The following TIAM1 variants were observed in gnomAD, a reference collection of about 807,000 sequenced individuals.
TIAM1 encodes TIAM Rac1 associated GEF 1.
In TIAM1, 65 loss-of-function variants were observed where a neutral mutation model predicts 163.5. That is an observed-to-expected ratio of 0.40 (90% CI 0.33 to 0.49). TIAM1 has a LOEUF of 0.49. Among genes scored for constraint, TIAM1 ranks in the 20% least tolerant of loss-of-function variants. TIAM1 has a pLI of 0.77. For missense variants in TIAM1, 1,789 were observed against 2,044.7 expected (o/e 0.87, Z 2.41); for synonymous variants, 833 against 810.1 (o/e 1.03, Z -0.48).
intron 2 of TIAM1, among the ~76,000 whole-genome samples, chr21:31,420,807 T>C (rs909122555): frequency 1.3e-5 from 2 of 151,932 alleles, no homozygotes; most frequent in African/African-American, 4.8e-5. Context: ...TGCTTGGAAA[T>C]AGGGTCTTTG....
intron 22 of TIAM1, among the ~76,000 whole-genome samples, chr21:31,139,460 T>C: frequency 6.6e-6 from 1 of 152,116 alleles, no homozygotes; most frequent in East Asian, 1.9e-4. Flanking sequence ...AAAATCAAGG[T>C]ATAAAATTAC....
At chr21:31,438,454 A>G (rs1421909118) in intron 2 of TIAM1, among the ~76,000 whole-genome samples, 1 of 152,094 alleles carries the variant, frequency 6.6e-6, no homozygotes. Flanking sequence ...AGTCTCCCAA[A>G]GTGATGGGAT....
intron 2 of TIAM1, among the ~76,000 whole-genome samples, chr21:31,310,323 G>A (rs2074875760): frequency 6.6e-6 from 1 of 152,186 alleles, no homozygotes; most frequent in South Asian, 2.1e-4. Flanking sequence ...GATAGAGGAA[G>A]CTTGGGTCCT....
chr21:31,527,320 C>T (rs1344977601), intron 1 of TIAM1, among the ~76,000 whole-genome samples: 1 of 152,082 alleles, frequency 6.6e-6, no homozygotes, highest in Non-Finnish European at 1.5e-5. Flanking sequence ...GTAGGGTAAA[C>T]TCAGGTTATC....
intron 2 of TIAM1, among the ~76,000 whole-genome samples, chr21:31,351,673 G>A (rs1224750220): frequency 2.0e-5 from 3 of 152,084 alleles, no homozygotes; most frequent in African/African-American, 7.2e-5. Flanking sequence ...AGAATGCAGG[G>A]GAAAGATCCA....
chr21:31,526,638 C>A (rs1297899439), intron 1 of TIAM1, among the ~76,000 whole-genome samples: 1 of 152,176 alleles, frequency 6.6e-6, no homozygotes, highest in Non-Finnish European at 1.5e-5. Context: ...TCACATATCT[C>A]ATCATGTACT....
intron 1 of TIAM1, among the ~76,000 whole-genome samples, chr21:31,522,800 T>C (rs1047677708): frequency 1.7e-4 from 26 of 152,236 alleles, no homozygotes; most frequent in Admixed American, 7.9e-4. Context: ...GAAATAGTGA[T>C]GACCAGGAAG....
chr21:31,430,247 TACACACAC>T (rs1202910634), intron 2 of TIAM1, among the ~76,000 whole-genome samples: 3 of 106,936 alleles, frequency 2.8e-5, no homozygotes, highest in Admixed American at 1.1e-4. Flanking sequence ...TATATATATA[TACACACAC>T]ACACACACAC....
intron 2 of TIAM1, among the ~76,000 whole-genome samples, chr21:31,378,179 G>C (rs1569279263): frequency 6.8e-6 from 1 of 147,462 alleles, no homozygotes; most frequent in African/African-American, 2.5e-5. Context: ...CTGCAGGAGA[G>C]AGAATGACAT....
intron 1 of TIAM1, among the ~76,000 whole-genome samples, chr21:31,521,259 T>C (rs2047572276): frequency 6.6e-6 from 1 of 152,166 alleles, no homozygotes; most frequent in Non-Finnish European, 1.5e-5. Context: ...GCTGGCAAAA[T>C]GACAAGCTGG....
intron 1 of TIAM1, among the ~76,000 whole-genome samples, chr21:31,473,463 A>C (rs8133007): frequency 0.26 from 31,318 of 119,156 alleles, 5,304 homozygotes; most frequent in African/African-American, 0.37. Flanking sequence ...AAAAAAAAAA[A>C]AAACATGGCT....
intron 15 of TIAM1, among the ~76,000 whole-genome samples, chr21:31,179,538 G>A (rs560319235): frequency 2.8e-5 from 4 of 143,520 alleles, no homozygotes; most frequent in South Asian, 4.3e-4. Flanking sequence ...AGTTATGGCC[G>A]CTTAATTGAA....
At chr21:31,192,124 T>C (rs2085590621) in intron 13 of TIAM1, among the ~76,000 whole-genome samples, 1 of 152,174 alleles carries the variant, frequency 6.6e-6, no homozygotes, top group Non-Finnish European at 1.5e-5. Flanking sequence ...ATTATGTCTT[T>C]AGTTTTAAGG....
chr21:31,422,760 A>T (rs1264008927), intron 2 of TIAM1, among the ~76,000 whole-genome samples: 1 of 152,144 alleles, frequency 6.6e-6, no homozygotes, highest in Non-Finnish European at 1.5e-5. Flanking sequence ...TTTGCTCATG[A>T]TCTCTACTCA....
chr21:31,311,659 C>A (rs150693545), intron 2 of TIAM1, among the ~76,000 whole-genome samples: 1 of 152,166 alleles, frequency 6.6e-6, no homozygotes, highest in African/African-American at 2.4e-5. Context: ...GTCTCTAGTA[C>A]CCACTTCTTC....
At chr21:31,327,635 C>T (rs1261417496) in intron 2 of TIAM1, among the ~76,000 whole-genome samples, 4 of 89,106 alleles carry the variant, frequency 4.5e-5, no homozygotes, top group African/African-American at 1.1e-4. Flanking sequence ...AGTGAAACGC[C>T]GCCATCTCAA....
At chr21:31,422,457 C>G (rs1485962660) in intron 2 of TIAM1, among the ~76,000 whole-genome samples, 11 of 152,150 alleles carry the variant, frequency 7.2e-5, no homozygotes, top group Non-Finnish European at 1.6e-4. Flanking sequence ...AGCCCCCACC[C>G]AAGATCCTGA....
At chr21:31,210,015 T>C (rs2086642629) in intron 11 of TIAM1, 30 bp downstream of exon 11, 2 of 1,600,626 alleles carry the variant, frequency 1.2e-6, no homozygotes, top group African/African-American at 2.7e-5. Context: ...TCTGCTCTTC[T>C]TGGAGAAACA....
rs1569263529 is a variant in TIAM1 at position 31,359,840 on chromosome 21, GGAAGGAAGGAAGGA to G, written c.-368-20432_-368-20419del. 3.5e-3 allele frequency among the ~76,000 whole-genome samples: 489 copies of G among 141,592 alleles called. 11 individuals carry two copies. The highest frequency in any genetic ancestry group is 0.013 in the African/African-American group (466 of 36,796). 92.9% of individuals were successfully genotyped at this position (141,592 alleles called of 152,430 possible). ...AGGAAGGAAGGAAGGAAGGAAGGAAGGAAGGAAGGAAGGAAGGAAGGAAGGGAGGGAGGGAGGAA... is the reference window on the plus strand; with the variant it reads ...AGGAAGGAAGGAAGGAAGGAAGGAAGAGGAAGGAAGGGAGGGAGGGAGGAA... On this transcript the variant is annotated intron_variant, in intron 2 of 28. Transcript: ENST00000286827.
Sources: gnomAD v4.1 joint callset for allele counts (sites outside exome capture counted in the v4.1 genomes callset) on GRCh38, gnomAD v4.1.1 for gene constraint, MANE v1.5 for transcripts, NCBI Gene and HGNC (gene_info 2026-07-23, HGNC 2026-07-21) for gene names.